CALCRL: variants seen among roughly 807,000 people sequenced by gnomAD.
CALCRL encodes the protein calcitonin gene-related peptide type 1 receptor.
A neutral mutation model predicts 60.4 loss-of-function variants in CALCRL; 27 were observed. The observed-to-expected ratio is 0.45, with a 90% CI of 0.33 to 0.62. The LOEUF (loss-of-function observed/expected upper bound fraction) is 0.62. Ranked by LOEUF, CALCRL falls within the 20% of genes least tolerant of loss-of-function variation. The probability of loss-of-function intolerance (pLI) is 0.03; values close to 1 mark genes in which losing one functional copy is unlikely to be tolerated. For synonymous variants in CALCRL, 190 were observed against 182.6 expected, an observed-to-expected ratio of 1.04 and a Z score of -0.33; for missense variants, 424 against 540.7, an observed-to-expected ratio of 0.78 and a Z score of 2.14.
rs11896378 is a variant in CALCRL, at chr2:187,410,174, T to G, written c.-292-22418A>C. Among the ~76,000 whole-genome samples, 739 of 152,202 alleles carry G rather than the reference T, an allele frequency of 4.9e-3. 4 individuals carry two copies. Among genetic ancestry groups the G allele is most frequent in the African/African-American group, 0.017 (689 of 41,518 alleles). On this transcript the variant is annotated intron_variant, in intron 1 of 14. Transcript: ENST00000392370. ...TTTTGTAAAGTCAGAAAATGGGGTA[T>G]AGTGGTGGATGTGGGAGAATCTGTA...
At chr2:187,390,342 A>T (rs145436074) in intron 1 of CALCRL, among the ~76,000 whole-genome samples, 1 of 152,270 alleles carries the variant, frequency 6.6e-6, no homozygotes, top group Non-Finnish European at 1.5e-5. Flanking sequence ...ATGTAAATAA[A>T]TATTATTCTA....
At chr2:187,403,387 A>G (rs977048424) in intron 1 of CALCRL, among the ~76,000 whole-genome samples, 1 of 151,846 alleles carries the variant, frequency 6.6e-6, no homozygotes, top group African/African-American at 2.4e-5. Context: ...AAAATTGTCC[A>G]GGAGGGTTTT....
Position 187,363,414 on chromosome 2 carries a change from C to T in CALCRL, c.589G>A (p.Ala197Thr), listed in dbSNP as rs758306517. The T allele has an allele frequency of 3.0e-5, 48 of 1,612,132 alleles. No individual in the cohort carries two copies. Among genetic ancestry groups the T allele is most frequent in the Non-Finnish European group, 3.7e-5 (44 of 1,179,040 alleles). ...ACTAAGGCCTGGTTGTTGGCCACTG[C>T]AGTGAGGTGAATGATTGTTACAACA... ...NSVVTIIHLT[A>T]VANNQALVAT... The change falls in exon 9 of 15, where the codon GCA (alanine) becomes ACA (threonine). Residue 197 changes from alanine (A) to threonine (T), a missense_variant. Physicochemically the swap from Ala to Thr is moderately conservative, Grantham distance 58. Transcript: ENST00000392370.
rs182593106 is a variant in CALCRL at position 187,442,845 on chromosome 2, A to G, written c.-293+5194T>C. Among the ~76,000 whole-genome samples the G allele has an allele frequency of 7.9e-5, 12 of 152,016 alleles. No individual in the cohort carries two copies. In the South Asian group the frequency reaches 1.2e-3, roughly 16 times the overall value. ...ATTCAGTTTGGATTTGGTGAATCAT[A>G]TCACTATTCAACTTTGCACAACTTC... On this transcript the variant is annotated intron_variant, in intron 1 of 14. Coordinates refer to ENST00000392370, the MANE Select transcript of CALCRL (RefSeq NM_005795.6).
At position 187,408,482 on chromosome 2, in the gene CALCRL, A is replaced by G. The variant is rs1022982511; in HGVS notation, c.-292-20726T>C. 3.3e-5 allele frequency among the ~76,000 whole-genome samples: 5 copies of G among 152,110 alleles called. No individual in the cohort carries two copies. In the South Asian group the frequency reaches 1.0e-3, roughly 31 times the overall value. On this transcript the variant is annotated intron_variant, in intron 1 of 14. Transcript: ENST00000392370. ...AATATGATGTTCATAAAATTATATTATGTACTACATATCTTTCCTTTAAAA... is the reference window on the plus strand; with the variant it reads ...AATATGATGTTCATAAAATTATATTGTGTACTACATATCTTTCCTTTAAAA...
intron 14 of CALCRL, 74 bp from the exon 15 acceptor site, chr2:187,346,473 C>A (rs1400571905): frequency 3.0e-6 from 3 of 1,008,548 alleles, no homozygotes; most frequent in Non-Finnish European, 4.4e-6. Flanking sequence ...TTTTGAAGCA[C>A]AATTAAATAG....
chr2:187,402,862 A>C (rs1209964035), intron 1 of CALCRL, among the ~76,000 whole-genome samples: 1 of 151,796 alleles, frequency 6.6e-6, no homozygotes, highest in Non-Finnish European at 1.5e-5. Flanking sequence ...CATATGACAA[A>C]ATTTTCATTT....
At chr2:187,368,147 A>T (rs962507051) in intron 8 of CALCRL, among the ~76,000 whole-genome samples, 4 of 152,096 alleles carry the variant, frequency 2.6e-5, no homozygotes, top group African/African-American at 9.7e-5. Context: ...TGTACTTCAT[A>T]GGATTGGCTT....
intron 1 of CALCRL, among the ~76,000 whole-genome samples, chr2:187,429,724 CA>C (rs1197554602): frequency 3.3e-5 from 5 of 152,158 alleles, no homozygotes; most frequent in Non-Finnish European, 5.9e-5. Flanking sequence ...AAAAACAACT[CA>C]AAAGGCAGCC....
chr2:187,440,575 T>C (rs1690854723), intron 1 of CALCRL, among the ~76,000 whole-genome samples: 1 of 152,156 alleles, frequency 6.6e-6, no homozygotes, highest in Non-Finnish European at 1.5e-5. Context: ...CAGTCTTTTA[T>C]GGTACTGGAG....
At chr2:187,438,827 T>G (rs1690766825) in intron 1 of CALCRL, among the ~76,000 whole-genome samples, 1 of 152,224 alleles carries the variant, frequency 6.6e-6, no homozygotes, top group Non-Finnish European at 1.5e-5. Context: ...ACTAACTTTT[T>G]TCCTTTCAAA....
intron 1 of CALCRL, among the ~76,000 whole-genome samples, chr2:187,443,586 G>C (rs940397911): frequency 6.6e-5 from 10 of 151,578 alleles, no homozygotes; most frequent in African/African-American, 2.4e-4. Flanking sequence ...AAGTACATTG[G>C]TATATTTGTA....
At chr2:187,385,362 T>A (rs1688162545) in intron 4 of CALCRL, among the ~76,000 whole-genome samples, 183 bp downstream of exon 4, 1 of 152,164 alleles carries the variant, frequency 6.6e-6, no homozygotes. Flanking sequence ...CTCCAATTCC[T>A]TCTCATTCTA....
intron 1 of CALCRL, among the ~76,000 whole-genome samples, chr2:187,396,024 GTTGT>G (rs1460971354): frequency 9.9e-5 from 4 of 40,470 alleles, no homozygotes; most frequent in Non-Finnish European, 2.3e-4. Context: ...GACACTGTTT[GTTGT>G]TGTTGTTGTT....
chr2:187,422,475 T>A (rs1689921426), intron 1 of CALCRL, among the ~76,000 whole-genome samples: 1 of 152,174 alleles, frequency 6.6e-6, no homozygotes, highest in South Asian at 2.1e-4. Context: ...GGATTGGATA[T>A]GAATCTAAAA....
chr2:187,364,129 A>T (rs930390149), intron 8 of CALCRL, among the ~76,000 whole-genome samples: 2 of 152,188 alleles, frequency 1.3e-5, no homozygotes, highest in African/African-American at 4.8e-5. Flanking sequence ...ACCACCTTTT[A>T]CTAGAGTTCC....
intron 8 of CALCRL, among the ~76,000 whole-genome samples, chr2:187,370,640 T>C (rs552121122): frequency 6.6e-6 from 1 of 152,322 alleles, no homozygotes; most frequent in South Asian, 2.1e-4. Flanking sequence ...ATTCAGTTAC[T>C]GTATTTATAT....
chr2:187,433,934 T>G (rs1412878781), intron 1 of CALCRL, among the ~76,000 whole-genome samples: 1 of 152,030 alleles, frequency 6.6e-6, no homozygotes, highest in Non-Finnish European at 1.5e-5. Flanking sequence ...AGAAATAATT[T>G]TTTACAATAG....
At chr2:187,427,452 C>T (rs1690193996) in intron 1 of CALCRL, among the ~76,000 whole-genome samples, 1 of 152,020 alleles carries the variant, frequency 6.6e-6, no homozygotes, top group African/African-American at 2.4e-5. Flanking sequence ...ATTCATCCTA[C>T]TTTAATGTAA....
Sources: allele counts gnomAD v4.1 joint callset (sites outside exome capture counted in the v4.1 genomes callset), GRCh38; gene constraint gnomAD v4.1.1; transcripts MANE v1.5; gene names NCBI Gene and HGNC (gene_info 2026-07-23, HGNC 2026-07-21).